Variants in RPS8 observed in about 807,000 individuals in gnomAD.
The protein encoded by RPS8 is ribosomal protein S8, also known as small ribosomal subunit protein eS8.
For synonymous variants in RPS8, 100 were observed against 100.7 expected, an observed-to-expected ratio of 0.99 and a Z score of 0.04; for missense variants, 141 against 269.7, an observed-to-expected ratio of 0.52 and a Z score of 3.34.
In RPS8 at chr1:44,778,637, A is replaced by G. The variant is rs752458334; in HGVS notation, c.579A>G (p.Lys193=). ...CAGATGGCTATGTGCTAGAGGGCAA[A>G]GAGTTGGAGTTCTATCTTAGGAAAA... ...GRADGYVLEG[K]ELEFYLRKIK... is the part of the protein sequence containing the mutation. The change falls in exon 6 of 6, where the codon AAA becomes AAG. Residue 193 remains lysine (K), a synonymous_variant. Transcript: ENST00000396651. 2.5e-6 allele frequency: 4 copies of G among 1,613,498 alleles called. No homozygotes were observed. Among genetic ancestry groups the G allele is most frequent in the Non-Finnish European group, 3.4e-6 (4 of 1,179,920 alleles).
intron 5 of RPS8, 35 bp downstream of exon 5, chr1:44,778,164 C>T (rs945697503): frequency 1.9e-6 from 3 of 1,588,412 alleles, no homozygotes; most frequent in African/African-American, 2.7e-5. Flanking sequence ...TGGGGAGTCG[C>T]AGAGATTGAG....
At position 44,776,281 on chromosome 1, in the gene RPS8, C is replaced by T; in HGVS notation, c.111+141C>T. On this transcript the variant is annotated intron_variant, in intron 2 of 5. Coordinates refer to ENST00000396651, the MANE Select transcript of RPS8 (RefSeq NM_001012.2). Reference sequence around the variant, plus strand: ...AGTAGGGCCTGGGTGTCCTGTCCCCCTTTAGCTGTTGGATAAGTAAGTACC... The same window carrying T: ...AGTAGGGCCTGGGTGTCCTGTCCCCTTTTAGCTGTTGGATAAGTAAGTACC... The T allele has an allele frequency of 4.5e-6, 3 of 668,994 alleles. No individual in the cohort carries two copies. The South Asian group carries it at 5.6e-5, about 12-fold the overall frequency. The allele number at this position is 668,994 out of a possible 1,614,324, so 41.4% of individuals were successfully genotyped here. A position where few individuals can be genotyped will look rare whatever the true frequency, so the allele number is the denominator to read the frequency against.
chr1:44,775,703 G>A (rs1650821057), intron 1 of RPS8, 103 bp downstream of exon 1: 1 of 1,442,418 alleles, frequency 6.9e-7, no homozygotes, highest in South Asian at 1.1e-5. Flanking sequence ...CCGACCCCCG[G>A]CCAGGGACAG....
chr1:44,777,589 G>C (rs1230560975), intron 3 of RPS8, 25 bp from the exon 4 acceptor site: 4 of 1,603,852 alleles, frequency 2.5e-6, no homozygotes, highest in Non-Finnish European at 3.4e-6. Flanking sequence ...CAGTTTACTT[G>C]ATGCCAAATT....
intron 5 of RPS8, 116 bp downstream of exon 5, chr1:44,778,245 TA>T (rs1650929564): frequency 7.6e-7 from 1 of 1,313,682 alleles, no homozygotes; most frequent in Non-Finnish European, 1.1e-6. Context: ...GGTTCACTGA[TA>T]ACAGGCTGCG....
chr1:44,776,016 C>A lies in RPS8; in HGVS notation c.5-18C>A. 1 of 1,611,684 alleles carries A rather than the reference C, an allele frequency of 6.2e-7. No homozygotes were observed. The highest frequency in any genetic ancestry group is 8.5e-7 in the Non-Finnish European group (1 of 1,178,190). ...GAGTCACAGTGGCTCAAGCTTCCTTCCCCGCTTCCACATGCAGGCATCTCT... is the reference window on the plus strand; with the variant it reads ...GAGTCACAGTGGCTCAAGCTTCCTTACCCGCTTCCACATGCAGGCATCTCT... On this transcript the variant is annotated intron_variant, in intron 1 of 5. Coordinates refer to ENST00000396651, the MANE Select transcript of RPS8 (RefSeq NM_001012.2).
In RPS8 at chr1:44,775,613, C is replaced by T; in HGVS notation, c.4+13C>T. The T allele has an allele frequency of 6.2e-7, 1 of 1,614,040 alleles. No homozygotes were observed. The highest frequency in any genetic ancestry group is 8.5e-7 in the Non-Finnish European group (1 of 1,179,938). ...CGCCGAGCGATGGGTGAGTGTCGCTCTGCATTGAGGCGGGTGAAGGGAGGT... is the reference window on the plus strand; with the variant it reads ...CGCCGAGCGATGGGTGAGTGTCGCTTTGCATTGAGGCGGGTGAAGGGAGGT... On this transcript the variant is annotated intron_variant, in intron 1 of 5. Transcript: ENST00000396651.
At chr1:44,777,384 C>G in intron 3 of RPS8, 1 of 537,000 alleles carries the variant, frequency 1.9e-6, no homozygotes, top group East Asian at 3.3e-5. Context: ...TCTGATCTTT[C>G]TGAACTCTGC....
At chr1:44,775,896 C>G (rs774171588) in intron 1 of RPS8, 138 bp from the exon 2 acceptor site, 1 of 872,490 alleles carries the variant, frequency 1.1e-6, no homozygotes, top group Non-Finnish European at 2.0e-6. Context: ...ATGCTGCATA[C>G]TCCCGAGTGC....
rs1397057113 is a variant in RPS8 at position 44,778,655 on chromosome 1, T to C, written c.597T>C (p.Leu199=). Residue 199 remains leucine, a synonymous_variant, in exon 6 of 6, where the codon CTT becomes CTC. Coordinates refer to ENST00000396651, the MANE Select transcript of RPS8 (RefSeq NM_001012.2). ...VLEGKELEFY[L]RKIKARKGK ...AGGGCAAAGAGTTGGAGTTCTATCTTAGGAAAATCAAGGCCCGCAAAGGCA... is the reference window on the plus strand; with the variant it reads ...AGGGCAAAGAGTTGGAGTTCTATCTCAGGAAAATCAAGGCCCGCAAAGGCA... 2 of 1,612,706 alleles carry C rather than the reference T, an allele frequency of 1.2e-6. No homozygotes were observed. Among genetic ancestry groups the C allele is most frequent in the African/African-American group, 2.7e-5 (2 of 74,880 alleles).
intron 2 of RPS8, 50 bp downstream of exon 2, chr1:44,776,190 C>A: frequency 7.6e-7 from 1 of 1,320,426 alleles, no homozygotes; most frequent in South Asian, 1.3e-5. Flanking sequence ...TTCCCCCGCT[C>A]TCCAGCGTGC....
At chr1:44,776,496 G>C (rs776520365) in intron 2 of RPS8, 179 bp from the exon 3 acceptor site, 1 of 767,274 alleles carries the variant, frequency 1.3e-6, no homozygotes, top group South Asian at 1.4e-5. Flanking sequence ...AGGCAAGTAG[G>C]GTGATGAAAA....
chr1:44,776,011 TC>T (rs1255061275), intron 1 of RPS8, 22 bp from the exon 2 acceptor site: 1 of 1,610,560 alleles, frequency 6.2e-7, no homozygotes, highest in African/African-American at 1.3e-5. Flanking sequence ...GGCTCAAGCT[TC>T]CTTCCCCGCT....
intron 2 of RPS8, chr1:44,776,452 A>T (rs1413411522): frequency 4.0e-6 from 3 of 758,218 alleles, no homozygotes; most frequent in Non-Finnish European, 7.2e-6. Context: ...CAGAGGCTTA[A>T]TTTTCAGCAT....
chr1:44,776,833 C>A, intron 3 of RPS8, 59 bp downstream of exon 3: 1 of 1,336,812 alleles, frequency 7.5e-7, no homozygotes, highest in Non-Finnish European at 1.0e-6. Context: ...TTAAGATTCA[C>A]CAAGTGGGCC....
rs1257902562 is a variant in RPS8 at position 44,778,768 on chromosome 1, T to C, written c.*83T>C. The C allele has an allele frequency of 2.0e-6, 2 of 983,176 alleles. No homozygotes were observed. Among genetic ancestry groups the C allele is most frequent in the Non-Finnish European group, 3.0e-6 (2 of 658,164 alleles). The allele number at this position is 983,176 out of a possible 1,614,324, so 60.9% of individuals were successfully genotyped here. A position where few individuals can be genotyped will look rare whatever the true frequency, so the allele number is the denominator to read the frequency against. On this transcript the variant is annotated 3_prime_UTR_variant, in exon 6 of 6. Transcript: ENST00000396651. The stretch of plus-strand genomic sequence containing the variant: ...TATGTTGCCTGAATATATGACTGTT[T>C]TCTCTGCTTTATTTCCTTGCCCTGC...
intron 1 of RPS8, 141 bp from the exon 2 acceptor site, chr1:44,775,893 A>T (rs911488817): frequency 2.3e-6 from 2 of 863,800 alleles, no homozygotes; most frequent in Non-Finnish European, 4.0e-6. Context: ...GTAATGCTGC[A>T]TACTCCCGAG....
At chr1:44,776,808 C>G (rs1193049537) in intron 3 of RPS8, 34 bp downstream of exon 3, 1 of 1,486,228 alleles carries the variant, frequency 6.7e-7, no homozygotes, top group East Asian at 2.3e-5. Context: ...GGTGGGAAAA[C>G]GCACCTAAAC....
chr1:44,775,666 C>T, intron 1 of RPS8, 66 bp downstream of exon 1: 1 of 1,601,810 alleles, frequency 6.2e-7, no homozygotes, highest in Non-Finnish European at 8.6e-7. Context: ...CATCCTGCTT[C>T]ACAGCCTACT....
Sources: gnomAD v4.1 joint callset for allele counts on GRCh38, gnomAD v4.1.1 for gene constraint, MANE v1.5 for transcripts, NCBI Gene and HGNC (gene_info 2026-07-23, HGNC 2026-07-21) for gene names.